VPS4B: variants seen among roughly 807,000 people sequenced by gnomAD.
The protein encoded by VPS4B is vacuolar protein sorting-associated protein 4B.
A neutral mutation model predicts 56.1 loss-of-function variants in VPS4B; 23 were observed. The observed-to-expected ratio is 0.41, with a 90% CI of 0.30 to 0.58. The LOEUF (loss-of-function observed/expected upper bound fraction) is 0.58. VPS4B is among the 20% of genes least tolerant of loss of function. The pLI, the probability that VPS4B is intolerant of heterozygous loss-of-function variation, is 0.29. For missense variants in VPS4B, 372 were observed against 531.9 expected, an observed-to-expected ratio of 0.70 and a Z score of 2.96; for synonymous variants, 177 against 186.0, an observed-to-expected ratio of 0.95 and a Z score of 0.39.
intron 1 of VPS4B, among the ~76,000 whole-genome samples, chr18:63,417,732 T>C (rs1001580418): frequency 6.6e-6 from 1 of 152,166 alleles, no homozygotes; most frequent in Non-Finnish European, 1.5e-5. Context: ...AGAAGAGCAG[T>C]TCTGTCTGTT....
chr18:63,410,426 C>T lies in VPS4B; in HGVS notation c.160G>A (p.Ala54Thr). The T allele has an allele frequency of 6.2e-7, 1 of 1,613,240 alleles. No individual in the cohort carries two copies. Among genetic ancestry groups the T allele is most frequent in the Non-Finnish European group, 8.5e-7 (1 of 1,180,002 alleles). The change falls in exon 3 of 11, where the codon GCC (alanine) becomes ACC (threonine). Residue 54 changes from alanine (A) to threonine (T), a missense_variant. Physicochemically the swap from Ala to Thr is moderately conservative, Grantham distance 58 (BLOSUM62 0). This residue lies in a region of VPS4B where 153 missense variants were observed against 190.3 expected (regional missense o/e 0.80). Coordinates refer to ENST00000238497, the MANE Select transcript of VPS4B (RefSeq NM_004869.4). ...CACTTTGCCCTGATACTTTGCTTGG[C>T]TTTATCACCCTGTGCTTCATCTATT... ...VVKYEAQGDK[A>T]KQSIRAKCTE...
intron 1 of VPS4B, among the ~76,000 whole-genome samples, chr18:63,417,605 A>T (rs143794166): frequency 7.9e-4 from 120 of 151,978 alleles, no homozygotes; most frequent in Non-Finnish European, 1.5e-3. Context: ...CCCCTACATC[A>T]GTGACTTAAG....
At chr18:63,419,880 T>G (rs967182165) in intron 1 of VPS4B, among the ~76,000 whole-genome samples, 1 of 152,196 alleles carries the variant, frequency 6.6e-6, no homozygotes, top group Non-Finnish European at 1.5e-5. Flanking sequence ...TAATTTTGAT[T>G]TTTAGTTATC....
Position 63,407,465 on chromosome 18 carries a change from G to T in VPS4B, c.331C>A (p.Pro111Thr). The change falls in exon 4 of 11, where the codon CCT becomes ACT. Residue 111 changes from proline to threonine, a missense_variant. Transcript: ENST00000238497. ...DSDGEGESDD[P>T]EKKKLQNQLQ... ...TGATTCTGTAGTTTCTTTTTTTCAG[G>T]ATCATCAGATTCTCCTTCCCCATCA... The T allele has an allele frequency of 6.2e-7, 1 of 1,609,024 alleles. No homozygotes were observed. Among genetic ancestry groups the T allele is most frequent in the Middle Eastern group, 1.7e-4 (1 of 6,040 alleles).
chr18:63,397,731 C>A (rs1599356955), intron 8 of VPS4B, among the ~76,000 whole-genome samples: 2 of 152,110 alleles, frequency 1.3e-5, no homozygotes, highest in South Asian at 4.1e-4. Flanking sequence ...AAAGAATAAA[C>A]ACTATGTTTC....
intron 4 of VPS4B, among the ~76,000 whole-genome samples, chr18:63,405,417 A>G (rs9956299): frequency 0.5 from 75,391 of 151,530 alleles, 19,278 homozygotes; most frequent in East Asian, 0.87. Flanking sequence ...TCAAAAAACA[A>G]GGAAAAATTC....
chr18:63,402,780 G>C (rs529661486), intron 5 of VPS4B, among the ~76,000 whole-genome samples: 1 of 152,222 alleles, frequency 6.6e-6, no homozygotes, highest in East Asian at 1.9e-4. Context: ...CCTGAAGTTG[G>C]GTAGTAAACT....
chr18:63,391,063 C>T lies in VPS4B; in HGVS notation c.1247G>A (p.Arg416Gln), dbSNP rs765072823. 27 of 1,610,910 alleles carry T rather than the reference C, an allele frequency of 1.7e-5. No individual in the cohort carries two copies. The highest frequency in any genetic ancestry group is 1.6e-4 in the Middle Eastern group (1 of 6,068). Residue 416 changes from arginine (R) to glutamine (Q), a missense_variant, in exon 11 of 11, where the codon CGG becomes CAG. Arg to Gln is a conservative substitution (Grantham distance 43). Transcript: ENST00000238497. ...TGTAGGTTTTGTGTTAGATAGTGAC[C>T]GCAACATATCCGACTGTCAGGGAAA... The part of the protein sequence containing the change: ...EPVVSMSDML[R>Q]SLSNTKPTVN...
chr18:63,411,029 T>G (rs1916029692), intron 2 of VPS4B, among the ~76,000 whole-genome samples: 1 of 152,214 alleles, frequency 6.6e-6, no homozygotes, highest in South Asian at 2.1e-4. Context: ...ATTCTTAGTC[T>G]CACTTTAACA....
chr18:63,402,620 C>T (rs34419106), intron 5 of VPS4B, among the ~76,000 whole-genome samples: 5,022 of 152,192 alleles, frequency 0.033, 93 homozygotes, highest in African/African-American at 0.043. Flanking sequence ...TAATGGTACA[C>T]ATACATGGAA....
chr18:63,406,231 T>C (rs1417758778), intron 4 of VPS4B, among the ~76,000 whole-genome samples: 1 of 152,202 alleles, frequency 6.6e-6, no homozygotes, highest in Admixed American at 6.5e-5. Flanking sequence ...CCACTACGCT[T>C]GAGTGTAAAC....
intron 7 of VPS4B, among the ~76,000 whole-genome samples, 198 bp downstream of exon 7, chr18:63,399,850 T>TA (rs34200948): frequency 6.6e-6 from 1 of 152,088 alleles, no homozygotes; most frequent in Non-Finnish European, 1.5e-5. Flanking sequence ...AAAACGACTT[T>TA]AAAAATCAGT....
At chr18:63,412,391 T>G (rs940158956) in intron 1 of VPS4B, among the ~76,000 whole-genome samples, 1 of 152,186 alleles carries the variant, frequency 6.6e-6, no homozygotes, top group African/African-American at 2.4e-5. Context: ...ACATATATTT[T>G]TCATTTTCTA....
Position 63,410,173 on chromosome 18 carries a change from C to A in VPS4B, c.296+117G>T, listed in dbSNP as rs73472640. 0.013 allele frequency: 16,878 copies of A among 1,334,346 alleles called. 1,221 individuals carry two copies. In the African/African-American group the frequency reaches 0.18, roughly 14 times the overall value. 82.7% of individuals were successfully genotyped at this position (1,334,346 alleles called of 1,614,324 possible). ...TGATAAAGCTTATTCCAAAAACAGG[C>A]AGCTGGGCAGCTTTGGCCCATGAGC... On this transcript the variant is annotated intron_variant, in intron 3 of 10. Coordinates refer to ENST00000238497, the MANE Select transcript of VPS4B (RefSeq NM_004869.4).
intron 10 of VPS4B, among the ~76,000 whole-genome samples, chr18:63,391,336 C>T (rs1450744688): frequency 2.0e-5 from 3 of 150,570 alleles, no homozygotes; most frequent in Admixed American, 1.3e-4. Context: ...TCAAGAGATT[C>T]TCCTGCCTCA....
chr18:63,400,836 T>G (rs1389197756), intron 5 of VPS4B, 133 bp from the exon 6 acceptor site: 1 of 903,124 alleles, frequency 1.1e-6, no homozygotes, highest in Admixed American at 3.5e-5. Context: ...AATAAATCAA[T>G]CTAAGGTATG....
At chr18:63,420,733 T>C (rs573373965) in intron 1 of VPS4B, among the ~76,000 whole-genome samples, 2 of 152,256 alleles carry the variant, frequency 1.3e-5, no homozygotes, top group South Asian at 4.1e-4. Context: ...CTTAGTTTAA[T>C]ACAACCTTGG....
intron 1 of VPS4B, 143 bp downstream of exon 1, chr18:63,422,090 A>C (rs1916316356): frequency 1.1e-6 from 1 of 889,706 alleles, no homozygotes; most frequent in Middle Eastern, 3.4e-4. Context: ...CCCCTCTCCC[A>C]CCTGCTGCAG....
chr18:63,398,709 C>T (rs1915740024), intron 8 of VPS4B, among the ~76,000 whole-genome samples: 1 of 151,596 alleles, frequency 6.6e-6, no homozygotes, highest in Admixed American at 6.6e-5. Flanking sequence ...GTGGTGCATA[C>T]CTGTAGTCCC....
Sources: allele counts gnomAD v4.1 joint callset (sites outside exome capture counted in the v4.1 genomes callset), GRCh38; gene constraint gnomAD v4.1.1; regional missense constraint gnomAD v4.1.1; transcripts MANE v1.5; gene names NCBI Gene and HGNC (gene_info 2026-07-23, HGNC 2026-07-21).